The following ADCY2 variants were observed in gnomAD, a reference collection of about 807,000 sequenced individuals.
ADCY2 encodes adenylate cyclase 2.
In ADCY2, 31 loss-of-function variants were observed where a neutral mutation model predicts 125.2. The observed-to-expected ratio is 0.25, with a 90% CI of 0.19 to 0.33. ADCY2 has a LOEUF of 0.33. ADCY2 is among the 10% of genes least tolerant of loss of function. The pLI, the probability that ADCY2 is intolerant of heterozygous loss-of-function variation, is 1.00. For missense variants in ADCY2, 904 were observed against 1,418.2 expected, an observed-to-expected ratio of 0.64 and a Z score of 5.82; for synonymous variants, 512 against 548.4, an observed-to-expected ratio of 0.93 and a Z score of 0.93.
chr5:7,689,153 G>A (rs1448311048), intron 4 of ADCY2, among the ~76,000 whole-genome samples: 2 of 152,278 alleles, frequency 1.3e-5, no homozygotes, highest in African/African-American at 4.8e-5. Context: ...AAAGAAGAAT[G>A]CGACAGGGTC....
In ADCY2 at chr5:7,828,893, C is replaced by T. The variant is rs1186500742; in HGVS notation, c.*2022C>T. On this transcript the variant is annotated 3_prime_UTR_variant, in exon 25 of 25. Transcript: ENST00000338316. The stretch of plus-strand genomic sequence containing the variant: ...TTCACCTACCCTGAGTGAACACCCC[C>T]AGCTGGGTGGTCCACCAAGTTCTCA... 1 of 152,358 alleles carries T rather than the reference C, an allele frequency of 6.6e-6. No individual in the cohort carries two copies. The highest frequency in any genetic ancestry group is 1.5e-5 in the Non-Finnish European group (1 of 68,056). The allele number at this position is 152,358 out of a possible 1,614,324, so 9.4% of individuals were successfully genotyped here.
At chr5:7,626,088 G>A in intron 3 of ADCY2, 79 bp from the exon 4 acceptor site, 1 of 1,466,584 alleles carries the variant, frequency 6.8e-7, no homozygotes, top group South Asian at 1.3e-5. Context: ...GAAGACTGTT[G>A]CTAATGTGCA....
chr5:7,782,394 G>A (rs1166454824), intron 18 of ADCY2: 5 of 154,826 alleles, frequency 3.2e-5, no homozygotes, highest in Admixed American at 2.6e-4. Context: ...AAAACCCAGC[G>A]AGGTCTTGAA....
In ADCY2 at chr5:7,829,217, G is replaced by A. The variant is rs1745572244; in HGVS notation, c.*2346G>A. 6.6e-6 allele frequency: 1 copy of A among 152,532 alleles called. No homozygotes were observed. The highest frequency in any genetic ancestry group is 2.1e-4 in the South Asian group (1 of 4,820). 9.4% of individuals were successfully genotyped at this position (152,532 alleles called of 1,614,324 possible). A position where few individuals can be genotyped will look rare whatever the true frequency, so the allele number is the denominator to read the frequency against. ...CTGAATTTGAGATCCCCGGGGCTGG[G>A]GCCCAGCACAACTGCTGTTTAGTGA... On this transcript the variant is annotated 3_prime_UTR_variant, in exon 25 of 25. Transcript: ENST00000338316.
intron 3 of ADCY2, among the ~76,000 whole-genome samples, chr5:7,600,995 T>A (rs1737182269): frequency 6.6e-6 from 1 of 152,126 alleles, no homozygotes; most frequent in African/African-American, 2.4e-5. Context: ...TTTTCAAGAA[T>A]TTTTGGGTGG....
intron 2 of ADCY2, among the ~76,000 whole-genome samples, chr5:7,458,887 T>G (rs572694168): frequency 6.6e-4 from 100 of 152,178 alleles, no homozygotes; most frequent in Non-Finnish European, 1.2e-3. Context: ...GAAGGGCTGA[T>G]AGAGGGCCGC....
intron 4 of ADCY2, among the ~76,000 whole-genome samples, chr5:7,674,373 G>A (rs1053310515): frequency 6.6e-6 from 1 of 152,128 alleles, no homozygotes; most frequent in Non-Finnish European, 1.5e-5. Flanking sequence ...ATTGGTGCGG[G>A]GAGGGCGCCC....
chr5:7,687,664 T>C (rs995268873), intron 4 of ADCY2, among the ~76,000 whole-genome samples: 1 of 152,144 alleles, frequency 6.6e-6, no homozygotes, highest in South Asian at 2.1e-4. Flanking sequence ...ATTCATCAGC[T>C]ACCTCTTCAT....
chr5:7,780,319 CT>C (rs1311937022), intron 18 of ADCY2, among the ~76,000 whole-genome samples: 1 of 152,182 alleles, frequency 6.6e-6, no homozygotes, highest in East Asian at 1.9e-4. Flanking sequence ...CAGACTCGTC[CT>C]TGTGGCATTA....
chr5:7,584,607 G>A (rs1382592869), intron 3 of ADCY2, among the ~76,000 whole-genome samples: 2 of 152,054 alleles, frequency 1.3e-5, no homozygotes, highest in Middle Eastern at 3.2e-3. Flanking sequence ...ACGAACAACC[G>A]AAGTCTTTAT....
intron 12 of ADCY2, among the ~76,000 whole-genome samples, chr5:7,717,694 G>A (rs1741631222): frequency 2.6e-5 from 4 of 152,146 alleles, no homozygotes; most frequent in South Asian, 4.2e-4. Context: ...GATTTTGGGG[G>A]CACAAAATGT....
chr5:7,766,311 GA>G (rs933212757), intron 16 of ADCY2, among the ~76,000 whole-genome samples: 4 of 152,096 alleles, frequency 2.6e-5, no homozygotes, highest in African/African-American at 9.7e-5. Context: ...ATACTGGGGG[GA>G]AAAAAGCATT....
chr5:7,735,235 T>A (rs1560922547), intron 14 of ADCY2, among the ~76,000 whole-genome samples: 1 of 152,190 alleles, frequency 6.6e-6, no homozygotes, highest in East Asian at 1.9e-4. Context: ...TCTCAGGTTG[T>A]CACATACTTT....
intron 2 of ADCY2, among the ~76,000 whole-genome samples, chr5:7,477,350 C>T (rs1458918276): frequency 6.6e-6 from 1 of 152,186 alleles, no homozygotes; most frequent in Non-Finnish European, 1.5e-5. Context: ...AGAGTATTGT[C>T]TGCATATTCT....
chr5:7,790,824 G>T (rs931849628), intron 20 of ADCY2, among the ~76,000 whole-genome samples: 1 of 152,034 alleles, frequency 6.6e-6, no homozygotes, highest in Non-Finnish European at 1.5e-5. Flanking sequence ...GAGAAACGGG[G>T]TAGACAAGAG....
chr5:7,750,013 G>A (rs10067376), intron 15 of ADCY2, among the ~76,000 whole-genome samples: 125,642 of 152,124 alleles, frequency 0.83, 52,649 homozygotes, highest in East Asian at 0.97. Flanking sequence ...CAATGAAAAG[G>A]ATATAGGTTT....
intron 2 of ADCY2, among the ~76,000 whole-genome samples, chr5:7,443,281 G>A (rs1377683208): frequency 6.6e-6 from 1 of 152,032 alleles, no homozygotes; most frequent in Non-Finnish European, 1.5e-5. Flanking sequence ...CGGAACTTCA[G>A]TTTTATGCCT....
chr5:7,470,432 A>G (rs1032267241), intron 2 of ADCY2, among the ~76,000 whole-genome samples: 1 of 150,620 alleles, frequency 6.6e-6, no homozygotes, highest in Admixed American at 6.6e-5. Context: ...TGGCTTTTTC[A>G]TGGATTGTAG....
intron 2 of ADCY2, among the ~76,000 whole-genome samples, chr5:7,446,451 C>G (rs1011240746): frequency 6.6e-6 from 1 of 151,930 alleles, no homozygotes; most frequent in Non-Finnish European, 1.5e-5. Flanking sequence ...TTTAAGCTTT[C>G]TGGGATATTT....
Sources: gnomAD v4.1 joint callset for allele counts (sites outside exome capture counted in the v4.1 genomes callset) on GRCh38, gnomAD v4.1.1 for gene constraint, MANE v1.5 for transcripts, NCBI Gene and HGNC (gene_info 2026-07-23, HGNC 2026-07-21) for gene names.